The following DIP2C variants were observed in gnomAD, a reference collection of about 807,000 sequenced individuals.
DIP2C encodes the protein DIP2 acetate--CoA ligase C (putative).
DIP2C carries 33 observed loss-of-function variants against 192.4 expected under a neutral mutation model. The observed-to-expected ratio is 0.17, with a 90% CI of 0.13 to 0.23. DIP2C has a LOEUF of 0.23. Among genes scored for constraint, DIP2C ranks in the 10% least tolerant of loss-of-function variants. DIP2C has a pLI of 1.00. For synonymous variants in DIP2C, 979 were observed against 864.1 expected (o/e 1.13, Z -2.33); for missense variants, 1,537 against 2,110.1 (o/e 0.73, Z 5.32).
chr10:442,694 GAT>G (rs1275252019), intron 3 of DIP2C, among the ~76,000 whole-genome samples: 5 of 152,252 alleles, frequency 3.3e-5, no homozygotes, highest in African/African-American at 1.2e-4. Context: ...ATAAATTTCA[GAT>G]ACTATATTCC....
chr10:405,748 C>T (rs180837169), intron 9 of DIP2C, among the ~76,000 whole-genome samples: 41 of 152,274 alleles, frequency 2.7e-4, no homozygotes, highest in African/African-American at 6.0e-4. Flanking sequence ...AGGCATCAGC[C>T]GATCAGGAGA....
At chr10:380,647 A>G (rs1962285680) in intron 17 of DIP2C, among the ~76,000 whole-genome samples, 1 of 152,236 alleles carries the variant, frequency 6.6e-6, no homozygotes, top group African/African-American at 2.4e-5. Context: ...TTCTTTAAAA[A>G]ACATAAGGAG....
chr10:434,366 A>G (rs1243479562), intron 4 of DIP2C, among the ~76,000 whole-genome samples: 2 of 152,148 alleles, frequency 1.3e-5, no homozygotes, highest in Non-Finnish European at 2.9e-5. Flanking sequence ...GCAGCCTTGA[A>G]AAGGATCCTG....
chr10:376,995 T>C (rs1291239783), intron 17 of DIP2C, among the ~76,000 whole-genome samples: 15 of 152,206 alleles, frequency 9.9e-5, no homozygotes, highest in African/African-American at 3.6e-4. Context: ...GCCAATATAT[T>C]AAGTTATGAG....
At chr10:445,882 G>A (rs1265431764) in intron 3 of DIP2C, among the ~76,000 whole-genome samples, 2 of 151,102 alleles carry the variant, frequency 1.3e-5, no homozygotes, top group South Asian at 2.1e-4. Context: ...CTATTGAGAA[G>A]AGTCTATCTT....
intron 1 of DIP2C, among the ~76,000 whole-genome samples, chr10:633,333 G>GC (rs967914669): frequency 1.2e-4 from 19 of 152,348 alleles, no homozygotes; most frequent in African/African-American, 3.4e-4. Flanking sequence ...AACGTCCAGG[G>GC]CAACAGCGTT....
rs546517602 is a variant in DIP2C at position 418,825 on chromosome 10, T to C, written c.739+240A>G. Among the ~76,000 whole-genome samples the C allele has an allele frequency of 4.6e-5, 7 of 152,382 alleles. No homozygotes were observed. The East Asian group carries it at 1.3e-3, about 29-fold the overall frequency. Reference sequence around the variant, plus strand: ...ATTCTAAAATTTCTTTTTCTTCTCATGACTAAATTCCTACAACATTTACAT... The same window carrying C: ...ATTCTAAAATTTCTTTTTCTTCTCACGACTAAATTCCTACAACATTTACAT... On this transcript the variant is annotated intron_variant, in intron 6 of 36. Coordinates refer to ENST00000280886, the MANE Select transcript of DIP2C (RefSeq NM_014974.3).
At chr10:412,296 A>T (rs1965237130) in intron 8 of DIP2C, among the ~76,000 whole-genome samples, 3 of 152,208 alleles carry the variant, frequency 2.0e-5, no homozygotes, top group Admixed American at 2.0e-4. Context: ...TCTCAGAGTG[A>T]ACACATGCAC....
intron 1 of DIP2C, among the ~76,000 whole-genome samples, chr10:538,114 C>G (rs1847791499): frequency 6.6e-6 from 1 of 152,110 alleles, no homozygotes; most frequent in Admixed American, 6.6e-5. Flanking sequence ...AATTTTTAAG[C>G]TTTTTGTTTC....
At chr10:326,984 C>G in intron 31 of DIP2C, 22 bp downstream of exon 31, 1 of 1,600,656 alleles carries the variant, frequency 6.2e-7, no homozygotes, top group Non-Finnish European at 8.5e-7. Context: ...CCACTCAGCA[C>G]TGTGATGTCG....
intron 19 of DIP2C, 54 bp downstream of exon 19, chr10:366,221 T>C: frequency 1.3e-6 from 2 of 1,598,666 alleles, no homozygotes; most frequent in Admixed American, 3.5e-5. Flanking sequence ...TGGCAAGGGC[T>C]CTTTGGAGAC....
intron 29 of DIP2C, among the ~76,000 whole-genome samples, chr10:333,707 C>G (rs1331963063): frequency 6.6e-6 from 1 of 152,236 alleles, no homozygotes; most frequent in Non-Finnish European, 1.5e-5. Context: ...AGTGGCTTCC[C>G]CATTTTACAT....
At chr10:443,167 G>A (rs1022950886) in intron 3 of DIP2C, among the ~76,000 whole-genome samples, 3 of 152,158 alleles carry the variant, frequency 2.0e-5, no homozygotes, top group East Asian at 1.9e-4. Flanking sequence ...AGATTTGGGA[G>A]GAGAGACTGT....
At position 651,044 on chromosome 10, in the gene DIP2C, C is replaced by T. The variant is rs1016060696; in HGVS notation, c.85+38450G>A. The T allele has an allele frequency of 2.5e-5, 18 of 717,214 alleles. No homozygotes were observed. The highest frequency in any genetic ancestry group is 1.4e-4 in the Admixed American group (7 of 50,002). The allele number at this position is 717,214 out of a possible 1,614,324, so 44.4% of individuals were successfully genotyped here. A position where few individuals can be genotyped will look rare whatever the true frequency, so the allele number is the denominator to read the frequency against. On this transcript the variant is annotated intron_variant, in intron 1 of 36. Transcript: ENST00000280886. This position sits in a 1 kb window ranked among gnomAD's most constrained non-coding sequence, Gnocchi z 4.1. ...CCCCGTTTCTGCAGAAGCCCCTTTCCATCCTAGCCCCTGCCACCCCTCCTG... is the reference window on the plus strand; with the variant it reads ...CCCCGTTTCTGCAGAAGCCCCTTTCTATCCTAGCCCCTGCCACCCCTCCTG...
At chr10:599,565 G>C (rs1851924522) in intron 1 of DIP2C, among the ~76,000 whole-genome samples, 1 of 152,212 alleles carries the variant, frequency 6.6e-6, no homozygotes, top group African/African-American at 2.4e-5. Context: ...ACGAAAGGCA[G>C]TGCTGTTCAG....
intron 1 of DIP2C, among the ~76,000 whole-genome samples, chr10:585,976 C>T (rs1003779238): frequency 1.3e-5 from 2 of 152,086 alleles, no homozygotes; most frequent in Non-Finnish European, 1.5e-5. Context: ...TTGGTAATGA[C>T]GCTTCTTGCA....
intron 1 of DIP2C, among the ~76,000 whole-genome samples, chr10:657,671 C>T (rs1178201430): frequency 8.3e-6 from 1 of 120,340 alleles, no homozygotes; most frequent in African/African-American, 3.1e-5. Flanking sequence ...CTGGACCTGC[C>T]GCTGGACCTG....
intron 1 of DIP2C, among the ~76,000 whole-genome samples, chr10:603,827 GCTGCAT>G (rs1479110369): frequency 6.6e-6 from 1 of 152,160 alleles, no homozygotes; most frequent in Non-Finnish European, 1.5e-5. Context: ...GGGTCAGTAG[GCTGCAT>G]TCCTGCCTGG....
chr10:581,761 G>C (rs1850679145), intron 1 of DIP2C, among the ~76,000 whole-genome samples: 1 of 152,048 alleles, frequency 6.6e-6, no homozygotes, highest in Non-Finnish European at 1.5e-5. Context: ...GGCCCTACTG[G>C]AGATGAAAAC....
Sources: gnomAD v4.1 joint callset for allele counts (sites outside exome capture counted in the v4.1 genomes callset) on GRCh38, gnomAD v4.1.1 for gene constraint, Gnocchi (gnomAD v3.1) non-coding constraint, MANE v1.5 for transcripts, NCBI Gene and HGNC (gene_info 2026-07-23, HGNC 2026-07-21) for gene names.